ZNF69: variants seen among roughly 807,000 people sequenced by gnomAD.
ZNF69 encodes the protein ZNF3.
Under a neutral mutation model 50.9 loss-of-function variants are expected in ZNF69, and 47 were observed. The ratio of observed to expected loss-of-function variants is 0.92; its 90% CI spans 0.73 to 1.18. The LOEUF (loss-of-function observed/expected upper bound fraction) is 1.18, where lower values mean the gene tolerates loss of function less well. ZNF69 is among the 50% of genes most tolerant of loss of function. The pLI is 0.00. For missense variants in ZNF69, 717 were observed against 675.1 expected (o/e 1.06, Z -0.69); for synonymous variants, 216 against 223.1 (o/e 0.97, Z 0.29).
chr19:11,912,418 A>G (rs994401772), intron 4 of ZNF69, among the ~76,000 whole-genome samples: 1 of 152,230 alleles, frequency 6.6e-6, no homozygotes, highest in Non-Finnish European at 1.5e-5. Flanking sequence ...TTTCATAGAC[A>G]TGAAAAGACA....
downstream of ZNF69, among the ~76,000 whole-genome samples, chr19:11,914,679 C>A (rs1204138586): frequency 6.6e-6 from 1 of 152,118 alleles, no homozygotes; most frequent in African/African-American, 2.4e-5. Context: ...CGGCTTAGAA[C>A]AATTCAGTCA....
the ZNF69 span, among the ~76,000 whole-genome samples, chr19:11,920,130 A>T: frequency 1.4e-5 from 2 of 143,778 alleles, no homozygotes; most frequent in Admixed American, 1.4e-4. Context: ...TTTCTTCCTG[A>T]GATGGAGTTT....
At chr19:11,921,962 A>C in the ZNF69 span, among the ~76,000 whole-genome samples, 1 of 152,234 alleles carries the variant, frequency 6.6e-6, no homozygotes. Context: ...GCTAAGGCCC[A>C]GAGTGTGGCA....
the ZNF69 span, among the ~76,000 whole-genome samples, chr19:11,946,366 G>C: frequency 6.6e-6 from 1 of 152,158 alleles, no homozygotes; most frequent in African/African-American, 2.4e-5. Flanking sequence ...TAAGGACGGG[G>C]GGCATTGCTG....
Position 11,887,797 on chromosome 19 carries a change from A to G in ZNF69, c.-127A>G, listed in dbSNP as rs1976981887. On this transcript the variant is annotated 5_prime_UTR_variant, in exon 1 of 4. Coordinates refer to ENST00000429654, the MANE Select transcript of ZNF69 (RefSeq NM_001364730.1). Reference sequence around the variant, plus strand: ...GTCCCTGCCCACTGTTCCTCCAGACACTGAGGGGGTCGCATTCCTTACCTC... The same window carrying G: ...GTCCCTGCCCACTGTTCCTCCAGACGCTGAGGGGGTCGCATTCCTTACCTC... 1 of 677,536 alleles carries G rather than the reference A, an allele frequency of 1.5e-6. No individual in the cohort carries two copies. Among genetic ancestry groups the G allele is most frequent in the Non-Finnish European group, 2.4e-6 (1 of 409,442 alleles). 42.0% of individuals were successfully genotyped at this position (677,536 alleles called of 1,614,324 possible). A position where few individuals can be genotyped will look rare whatever the true frequency, so the allele number is the denominator to read the frequency against.
At chr19:11,961,633 G>A in the ZNF69 span, 1 of 115,658 alleles carries the variant, frequency 8.6e-6, no homozygotes, top group African/African-American at 6.2e-5. Context: ...TTCTTTTTCT[G>A]AGATGGAGTT....
chr19:11,914,684 C>T (rs908851754), downstream of ZNF69, among the ~76,000 whole-genome samples: 1 of 152,180 alleles, frequency 6.6e-6, no homozygotes, highest in Non-Finnish European at 1.5e-5. Context: ...TAGAACAATT[C>T]AGTCACTTCC....
chr19:11,955,396 C>CTTTT, the ZNF69 span, among the ~76,000 whole-genome samples: 4 of 132,228 alleles, frequency 3.0e-5, no homozygotes, highest in Admixed American at 7.6e-5. Context: ...TTCTTTCTTT[C>CTTTT]TTTTTTTTTT....
At chr19:11,979,841 C>T in the ZNF69 span, 17 of 1,538,554 alleles carry the variant, frequency 1.1e-5, no homozygotes, top group Admixed American at 3.4e-5. Flanking sequence ...CAAGAACCTT[C>T]GAATTCATGA....
chr19:11,897,100 A>G (rs1411921088), intron 1 of ZNF69, among the ~76,000 whole-genome samples: 1 of 152,164 alleles, frequency 6.6e-6, no homozygotes, highest in Non-Finnish European at 1.5e-5. Flanking sequence ...TGTAATCCCA[A>G]TATTTGGGAG....
chr19:11,905,910 C>A lies in ZNF69; in HGVS notation c.1513C>A (p.Leu505Ile). ...TGAAAAAACTCACACTGGAGAGAAA[C>A]TCTATGAATGCAAGCAATGTGGTGA... ...RHEKTHTGEK[L>I]YECKQCGEAF... Residue 505 changes from leucine to isoleucine, a missense_variant, in exon 4 of 4, where the codon CTC (leucine) becomes ATC (isoleucine). Transcript: ENST00000429654. 6.2e-7 allele frequency: 1 copy of A among 1,613,994 alleles called. No individual in the cohort carries two copies. Among genetic ancestry groups the A allele is most frequent in the South Asian group, 1.1e-5 (1 of 91,082 alleles).
At chr19:11,917,809 A>G (rs1599270132), downstream of ZNF69, among the ~76,000 whole-genome samples, 2 of 54,546 alleles carry the variant, frequency 3.7e-5, no homozygotes, top group African/African-American at 2.0e-4. Flanking sequence ...TTTTTTTTTG[A>G]GACAGTCTTG....
chr19:11,971,703 C>T, the ZNF69 span, among the ~76,000 whole-genome samples: 3 of 152,028 alleles, frequency 2.0e-5, no homozygotes, highest in Non-Finnish European at 2.9e-5. Flanking sequence ...TCAGTGTAGA[C>T]TTTTTGCATA....
the ZNF69 span, among the ~76,000 whole-genome samples, chr19:11,945,002 T>A: frequency 6.6e-6 from 1 of 152,234 alleles, no homozygotes; most frequent in Non-Finnish European, 1.5e-5. Flanking sequence ...CTGGAGAAAG[T>A]CCTTTTCTTC....
At chr19:11,888,091 C>T (rs917512197) in intron 1 of ZNF69, 105 bp downstream of exon 1, 14 of 1,149,942 alleles carry the variant, frequency 1.2e-5, no homozygotes, top group Non-Finnish European at 1.7e-5. Context: ...ACTTTGGGAT[C>T]TGGGACCGAG....
At chr19:11,925,158 C>T in the ZNF69 span, 84 of 1,603,998 alleles carry the variant, frequency 5.2e-5, no homozygotes, top group Non-Finnish European at 3.3e-5. Context: ...CAGACCAGCC[C>T]GAGAGGGACC....
the ZNF69 span, among the ~76,000 whole-genome samples, chr19:11,919,398 G>C: frequency 1.3e-5 from 2 of 151,834 alleles, no homozygotes; most frequent in African/African-American, 4.8e-5. Context: ...TGATTACATC[G>C]TCTCCAAAGC....
At chr19:11,955,006 T>A in the ZNF69 span, among the ~76,000 whole-genome samples, 30 of 149,196 alleles carry the variant, frequency 2.0e-4, no homozygotes, top group African/African-American at 6.9e-4. Flanking sequence ...ATTTTTTTTT[T>A]TTTTTTTTTT....
Position 11,905,795 on chromosome 19 carries a change from AAC to A in ZNF69, c.1403_1404del (p.His468ArgfsTer11), listed in dbSNP as rs757682379. 15 of 1,613,094 alleles carry A rather than the reference AAC, an allele frequency of 9.3e-6. No homozygotes were observed. The highest frequency in any genetic ancestry group is 1.3e-5 in the Non-Finnish European group (15 of 1,179,814). On this transcript the variant is annotated frameshift_variant, in exon 4 of 4. Transcript: ENST00000429654. LOFTEE classifies it high-confidence loss of function. ...ACCTTCAAAGTCATGAAAGGACACAAACACACGTAAGAATACACTCTGGAGAA... is the reference window on the plus strand; with the variant it reads ...ACCTTCAAAGTCATGAAAGGACACAAACACGTAAGAATACACTCTGGAGAA... ...KNLQSHERTQTHVRIHSGERP... is the reference protein window; with the variant it reads ...KNLQSHERTQXHVRIHSGERP...
Sources: allele counts gnomAD v4.1 joint callset (sites outside exome capture counted in the v4.1 genomes callset), GRCh38; gene constraint gnomAD v4.1.1; transcripts MANE v1.5; gene names NCBI Gene and HGNC (gene_info 2026-07-23, HGNC 2026-07-21).